The following KIAA0040 variants were observed in gnomAD, a reference collection of about 807,000 sequenced individuals.
The protein encoded by KIAA0040 is KIAA0040, also known as uncharacterized protein KIAA0040.
KIAA0040 carries 10 observed loss-of-function variants against 7.2 expected under a neutral mutation model. That is an observed-to-expected ratio of 1.38 (90% CI 0.85 to 2.34). The LOEUF is 2.34. KIAA0040 is among the 30% of genes most tolerant of loss of function. The probability of loss-of-function intolerance (pLI) is 0.00; values close to 1 mark genes in which losing one functional copy is unlikely to be tolerated. For synonymous variants in KIAA0040, 49 were observed against 40.1 expected, an observed-to-expected ratio of 1.22 and a Z score of -0.84; for missense variants, 89 against 108.2, an observed-to-expected ratio of 0.82 and a Z score of 0.79.
chr1:175,192,167 A>G (rs75882525), intron 1 of KIAA0040, among the ~76,000 whole-genome samples: 1,819 of 152,260 alleles, frequency 0.012, 39 homozygotes, highest in African/African-American at 0.042. Flanking sequence ...CAGAATAGCA[A>G]ACAGGTTTCC....
intron 3 of KIAA0040, among the ~76,000 whole-genome samples, chr1:175,166,269 C>T (rs537269212): frequency 6.6e-6 from 1 of 152,330 alleles, no homozygotes; most frequent in Non-Finnish European, 1.5e-5. Context: ...TTTAGCTCCT[C>T]TGCCCAGGAT....
intron 2 of KIAA0040, among the ~76,000 whole-genome samples, chr1:175,172,706 T>C (rs1258484777): frequency 6.6e-6 from 1 of 152,232 alleles, no homozygotes; most frequent in Non-Finnish European, 1.5e-5. Flanking sequence ...GAGGGCTAGG[T>C]GTTTTATTCA....
At position 175,162,874 on chromosome 1, in the gene KIAA0040, T is replaced by C. The variant is rs1676601687; in HGVS notation, c.-133-1728A>G. 2.6e-5 allele frequency among the ~76,000 whole-genome samples: 4 copies of C among 152,370 alleles called. No homozygotes were observed. In the South Asian group the frequency reaches 8.3e-4, roughly 32 times the overall value. ...ACCTACTACTGAGCCTTTTGGTCCA[T>C]GGAGCCCAAAGAAATGTTATAGGAT... On this transcript the variant is annotated intron_variant, in intron 3 of 3. Coordinates refer to ENST00000423313, the MANE Select transcript of KIAA0040 (RefSeq NM_014656.3).
In KIAA0040 at chr1:175,174,818, T is replaced by TATATAC. The variant is rs3835505; in HGVS notation, c.-310+2792_-310+2793insGTATAT. 4.1e-3 allele frequency among the ~76,000 whole-genome samples: 620 copies of TATATAC among 151,760 alleles called. 1 individual carries two copies. Among genetic ancestry groups the TATATAC allele is most frequent in the African/African-American group, 0.013 (542 of 41,310 alleles). On this transcript the variant is annotated intron_variant, in intron 2 of 3. Transcript: ENST00000423313. Reference sequence around the variant, plus strand: ...CTGTATATACATATATATATATATATACACATACATACATGATCTGACCAC... The same window carrying TATATAC: ...CTGTATATACATATATATATATATATATATACACACATACATACATGATCTGACCAC...
upstream of KIAA0040, chr1:175,192,831 G>A (rs948923270): frequency 1.0e-4 from 2 of 19,594 alleles, no homozygotes; most frequent in East Asian, 3.4e-3. Context: ...GCCCCGCCCC[G>A]CCCCGCCCCG....
At position 175,157,081 on chromosome 1, in the gene KIAA0040, A is replaced by G. The variant is rs953099426; in HGVS notation, c.*3633T>C. On this transcript the variant is annotated 3_prime_UTR_variant, in exon 4 of 4. Transcript: ENST00000423313. Reference sequence around the variant, plus strand: ...TATTGAACCATATTGAACAGTGTACACACACTTACACACACACATACACAC... The same window carrying G: ...TATTGAACCATATTGAACAGTGTACGCACACTTACACACACACATACACAC... 6 of 152,222 alleles carry G rather than the reference A, an allele frequency of 3.9e-5. No individual in the cohort carries two copies. Among genetic ancestry groups the G allele is most frequent in the African/African-American group, 1.4e-4 (6 of 41,438 alleles). The allele number at this position is 152,222 out of a possible 1,614,324, so 9.4% of individuals were successfully genotyped here.
At chr1:175,181,133 T>G (rs1677423957) in intron 1 of KIAA0040, among the ~76,000 whole-genome samples, 1 of 152,174 alleles carries the variant, frequency 6.6e-6, no homozygotes, top group Non-Finnish European at 1.5e-5. Context: ...AGTACAGGCA[T>G]GAGACACTGT....
intron 2 of KIAA0040, among the ~76,000 whole-genome samples, chr1:175,169,736 A>G (rs1334762541): frequency 1.3e-5 from 2 of 152,194 alleles, no homozygotes; most frequent in Admixed American, 6.5e-5. Flanking sequence ...GAAAATATGG[A>G]TAAGCACCAC....
In KIAA0040 at chr1:175,164,756, C is replaced by T. The variant is rs1676689272; in HGVS notation, c.-134+1806G>A. Among the ~76,000 whole-genome samples the T allele has an allele frequency of 2.6e-5, 4 of 152,302 alleles. No individual in the cohort carries two copies. The South Asian group carries it at 8.3e-4, about 32-fold the overall frequency. ...TAAGAATTCTTTTCTAGGCACCCCC[C>T]AGGTTACTTGCTGAGCTCTGCTAAT... On this transcript the variant is annotated intron_variant, in intron 3 of 3. Transcript: ENST00000423313.
chr1:175,175,379 G>C (rs1222364276), intron 2 of KIAA0040, among the ~76,000 whole-genome samples: 2 of 151,258 alleles, frequency 1.3e-5, no homozygotes, highest in Non-Finnish European at 2.9e-5. Context: ...GGAAACAACA[G>C]GTGCTGGAGA....
chr1:175,189,927 G>GA (rs1419437673), intron 1 of KIAA0040, among the ~76,000 whole-genome samples: 1 of 152,128 alleles, frequency 6.6e-6, no homozygotes, highest in Non-Finnish European at 1.5e-5. Context: ...CAAGCTCAAG[G>GA]TTTTTTCTTC....
intron 2 of KIAA0040, among the ~76,000 whole-genome samples, chr1:175,168,587 A>G (rs1311630078): frequency 2.0e-5 from 3 of 151,710 alleles, no homozygotes; most frequent in Admixed American, 2.0e-4. Flanking sequence ...ATTCTGGATT[A>G]GAAGACTCCT....
chr1:175,174,193 C>T (rs1677092247), intron 2 of KIAA0040, among the ~76,000 whole-genome samples: 1 of 152,164 alleles, frequency 6.6e-6, no homozygotes, highest in Non-Finnish European at 1.5e-5. Flanking sequence ...AAGAGCCATG[C>T]AGGGGGCTTA....
Position 175,161,049 on chromosome 1 carries a change from G to A in KIAA0040, c.-36C>T, listed in dbSNP as rs115619463. 2,404 of 1,520,512 alleles carry A rather than the reference G, an allele frequency of 1.6e-3. 38 individuals carry two copies. In the African/African-American group the frequency reaches 0.03, roughly 19 times the overall value. The allele number at this position is 1,520,512 out of a possible 1,614,324, so 94.2% of individuals were successfully genotyped here. On this transcript the variant is annotated 5_prime_UTR_variant, in exon 4 of 4. Transcript: ENST00000423313. Reference sequence around the variant, plus strand: ...TAGATTAGGGCCAGAGAACCCTCTCGGCTTACAAGCAGGTCCTGGGCTCAA... The same window carrying A: ...TAGATTAGGGCCAGAGAACCCTCTCAGCTTACAAGCAGGTCCTGGGCTCAA...
intron 1 of KIAA0040, among the ~76,000 whole-genome samples, chr1:175,178,048 G>A (rs1677274849): frequency 6.6e-6 from 1 of 152,244 alleles, no homozygotes; most frequent in Non-Finnish European, 1.5e-5. Context: ...TTGCTCCAAT[G>A]TTGGGAGGTC....
chr1:175,162,552 T>C (rs1676588387), intron 3 of KIAA0040, among the ~76,000 whole-genome samples: 1 of 152,200 alleles, frequency 6.6e-6, no homozygotes, highest in African/African-American at 2.4e-5. Flanking sequence ...GCATTTAATC[T>C]TTTGAGTGAG....
At chr1:175,183,972 C>A (rs1305761715) in intron 1 of KIAA0040, among the ~76,000 whole-genome samples, 1 of 152,186 alleles carries the variant, frequency 6.6e-6, no homozygotes, top group African/African-American at 2.4e-5. Context: ...AAAATGGAAG[C>A]AGCCAGAGTC....
chr1:175,160,604 T>C lies in KIAA0040; in HGVS notation c.*110A>G. The stretch of plus-strand genomic sequence containing the variant: ...GAGGTTTGTTCCTTGGTTGAGTAGT[T>C]ACTCTGTGGACATGGACATAGTGCA... On this transcript the variant is annotated 3_prime_UTR_variant, in exon 4 of 4. Coordinates refer to ENST00000423313, the MANE Select transcript of KIAA0040 (RefSeq NM_014656.3). 1 of 1,080,120 alleles carries C rather than the reference T, an allele frequency of 9.3e-7. No homozygotes were observed. Among genetic ancestry groups the C allele is most frequent in the South Asian group, 1.7e-5 (1 of 58,526 alleles). 66.9% of individuals were successfully genotyped at this position (1,080,120 alleles called of 1,614,324 possible).
rs1026735200 is a variant in KIAA0040 at position 175,157,963 on chromosome 1, A to G, written c.*2751T>C. 2 of 152,334 alleles carry G rather than the reference A, an allele frequency of 1.3e-5. No homozygotes were observed. Among genetic ancestry groups the G allele is most frequent in the Non-Finnish European group, 2.9e-5 (2 of 68,158 alleles). The allele number at this position is 152,334 out of a possible 1,614,324, so 9.4% of individuals were successfully genotyped here. A position where few individuals can be genotyped will look rare whatever the true frequency, so the allele number is the denominator to read the frequency against. ...TGGCAGTTCAGGGACAGAGGCTGGA[A>G]GGAGTGAAAATGGAGAGGAATAAAG... On this transcript the variant is annotated 3_prime_UTR_variant, in exon 4 of 4. Coordinates refer to ENST00000423313, the MANE Select transcript of KIAA0040 (RefSeq NM_014656.3).
Sources: allele counts gnomAD v4.1 joint callset (sites outside exome capture counted in the v4.1 genomes callset), GRCh38; gene constraint gnomAD v4.1.1; transcripts MANE v1.5; gene names NCBI Gene and HGNC (gene_info 2026-07-23, HGNC 2026-07-21).